Variants in FBF1 observed in about 807,000 individuals in gnomAD.
The protein encoded by FBF1 is Fas binding factor 1.
Under a neutral mutation model 147.2 loss-of-function variants are expected in FBF1, and 119 were observed. The ratio of observed to expected loss-of-function variants is 0.81; its 90% CI spans 0.70 to 0.94. The LOEUF (loss-of-function observed/expected upper bound fraction) is 0.94. FBF1 is among the 40% of genes least tolerant of loss of function. The probability of loss-of-function intolerance (pLI) is 0.00; values close to 1 mark genes in which losing one functional copy is unlikely to be tolerated. For missense variants in FBF1, 1,449 were observed against 1,500.8 expected (o/e 0.97, Z 0.57); for synonymous variants, 601 against 609.0 (o/e 0.99, Z 0.19).
intron 23 of FBF1, among the ~76,000 whole-genome samples, 173 bp downstream of exon 23, chr17:75,917,559 T>G (rs2065495802): frequency 6.6e-6 from 1 of 152,008 alleles, no homozygotes; most frequent in Admixed American, 6.5e-5. Context: ...CATGCTCAGG[T>G]GGGCAGTGCT....
At chr17:75,913,850 A>G in intron 27 of FBF1, 31 bp from the exon 28 acceptor site, 1 of 1,579,180 alleles carries the variant, frequency 6.3e-7, no homozygotes, top group Non-Finnish European at 8.6e-7. Context: ...AGAAGGACTC[A>G]GCTGTGAGGT....
At chr17:75,916,315 C>A (rs2065488857) in intron 23 of FBF1, among the ~76,000 whole-genome samples, 1 of 139,666 alleles carries the variant, frequency 7.2e-6, no homozygotes. Flanking sequence ...GAGACCCCAT[C>A]TCTAAAAAAA....
chr17:75,925,504 G>A lies in FBF1; in HGVS notation c.869-58C>T, dbSNP rs919320333. On this transcript the variant is annotated intron_variant, in intron 12 of 29. Transcript: ENST00000636174. This position sits in a 1 kb window ranked among gnomAD's most constrained non-coding sequence, Gnocchi z 5.0. ...GAGTAGGGGAACCAAGCTCATTTGC[G>A]GCTGCAAAATTCTAACAAAAGCTGA... The A allele has an allele frequency of 3.9e-5, 57 of 1,472,850 alleles. No individual in the cohort carries two copies. The Middle Eastern group carries it at 1.2e-3, about 31-fold the overall frequency. 91.2% of individuals were successfully genotyped at this position (1,472,850 alleles called of 1,614,324 possible). A position where few individuals can be genotyped will look rare whatever the true frequency, so the allele number is the denominator to read the frequency against.
chr17:75,929,342 C>G (rs1455991088), intron 7 of FBF1, among the ~76,000 whole-genome samples: 1 of 151,834 alleles, frequency 6.6e-6, no homozygotes, highest in African/African-American at 2.4e-5. Flanking sequence ...AAAAAAAAAC[C>G]CAAAAAACAA....
intron 1 of FBF1, 65 bp from the exon 2 acceptor site, chr17:75,938,297 C>G (rs982528700): frequency 8.3e-7 from 1 of 1,210,738 alleles, no homozygotes; most frequent in Non-Finnish European, 1.2e-6. Flanking sequence ...CCATGGCTCA[C>G]GCCTGTTAAT....
chr17:75,918,152 G>A lies in FBF1; in HGVS notation c.2246+10C>T. The A allele has an allele frequency of 6.2e-7, 1 of 1,613,096 alleles. No individual in the cohort carries two copies. The highest frequency in any genetic ancestry group is 8.5e-7 in the Non-Finnish European group (1 of 1,179,644). Reference sequence around the variant, plus strand: ...ACGTCAGGCGGGCATGGTTGGGGCAGCGCACATACCGCGTGTGGGAGGTGG... The same window carrying A: ...ACGTCAGGCGGGCATGGTTGGGGCAACGCACATACCGCGTGTGGGAGGTGG... On this transcript the variant is annotated intron_variant, in intron 21 of 29. Coordinates refer to ENST00000636174, the MANE Select transcript of FBF1 (RefSeq NM_001319193.2). The surrounding 1 kb of genome is among the most constrained non-coding windows in gnomAD (Gnocchi z 5.8).
chr17:75,922,687 A>G lies in FBF1; in HGVS notation c.1424+499T>C, dbSNP rs567130754. Among the ~76,000 whole-genome samples, 1 of 152,186 alleles carries G rather than the reference A, an allele frequency of 6.6e-6. No homozygotes were observed. Among genetic ancestry groups the G allele is most frequent in the African/African-American group, 2.4e-5 (1 of 41,528 alleles). On this transcript the variant is annotated intron_variant, in intron 14 of 29. Coordinates refer to ENST00000636174, the MANE Select transcript of FBF1 (RefSeq NM_001319193.2). This position sits in a 1 kb window ranked among gnomAD's most constrained non-coding sequence, Gnocchi z 5.0. ...TTCCTGCCTTCAGAGGTCACTCGCTATCCTGCCCCACGGATAAGGGCTTCT... is the reference window on the plus strand; with the variant it reads ...TTCCTGCCTTCAGAGGTCACTCGCTGTCCTGCCCCACGGATAAGGGCTTCT...
chr17:75,913,381 C>T (rs928100529), intron 28 of FBF1: 6 of 224,540 alleles, frequency 2.7e-5, no homozygotes, highest in Non-Finnish European at 5.2e-5. Context: ...CTCCTGACCT[C>T]AGATGATCCG....
rs1210285081 is a variant in FBF1 at position 75,925,380 on chromosome 17, G to C, written c.935C>G (p.Ser312Cys). 1.9e-6 allele frequency: 3 copies of C among 1,613,388 alleles called. No homozygotes were observed. Among genetic ancestry groups the C allele is most frequent in the South Asian group, 1.1e-5 (1 of 91,070 alleles). Residue 312 changes from serine (S) to cysteine (C), a missense_variant, in exon 13 of 30, where the codon TCT (serine) becomes TGT (cysteine). Ser to Cys is a moderately radical substitution (Grantham distance 112). Coordinates refer to ENST00000636174, the MANE Select transcript of FBF1 (RefSeq NM_001319193.2). The surrounding 1 kb of genome is among the most constrained non-coding windows in gnomAD (Gnocchi z 5.0). ...CTGCCGGCGGGACTGCCGGCCCTCA[G>C]AGGAGACCACAGTGGGCTGATAGGC... Reference protein sequence around the residue: ...FGAYQPTVVSSEGRQSRRQSV... With the variant: ...FGAYQPTVVSCEGRQSRRQSV...
Position 75,938,160 on chromosome 17 carries a change from T to G in FBF1, c.-11A>C, listed in dbSNP as rs765557802. ...AACTCTGCCTACCATCTCACGGCTC[T>G]CGGGGGTGCTCTCAGCTCCTTCACA... On this transcript the variant is annotated 5_prime_UTR_variant, in exon 2 of 30. Transcript: ENST00000636174. 3.1e-6 allele frequency: 5 copies of G among 1,613,674 alleles called. No homozygotes were observed. The South Asian group carries it at 5.5e-5, about 18-fold the overall frequency.
At chr17:75,930,772 A>T (rs1461702770) in intron 6 of FBF1, among the ~76,000 whole-genome samples, 1 of 152,184 alleles carries the variant, frequency 6.6e-6, no homozygotes, top group Non-Finnish European at 1.5e-5. Context: ...AAATACAAAA[A>T]TCAGCCAGGC....
intron 25 of FBF1, 94 bp downstream of exon 25, chr17:75,914,653 C>T (rs764126504): frequency 9.2e-5 from 120 of 1,306,206 alleles, no homozygotes; most frequent in Middle Eastern, 2.7e-4. Flanking sequence ...ATTAGTGCTA[C>T]ACTCTCCTTT....
In FBF1 at chr17:75,919,523, T is replaced by C; in HGVS notation, c.2138+145A>G. The C allele has an allele frequency of 1.1e-6, 1 of 903,928 alleles. No individual in the cohort carries two copies. The highest frequency in any genetic ancestry group is 1.7e-6 in the Non-Finnish European group (1 of 600,310). The allele number at this position is 903,928 out of a possible 1,614,324, so 56.0% of individuals were successfully genotyped here. A position where few individuals can be genotyped will look rare whatever the true frequency, so the allele number is the denominator to read the frequency against. On this transcript the variant is annotated intron_variant, in intron 20 of 29. Coordinates refer to ENST00000636174, the MANE Select transcript of FBF1 (RefSeq NM_001319193.2). The surrounding 1 kb of genome is among the most constrained non-coding windows in gnomAD (Gnocchi z 5.0). ...TGTGATGGGTCAGTGTGCTCAGCCC[T>C]CAGTCCTCACTCACTGGACTGGGAG...
In FBF1 at chr17:75,926,365, A is replaced by G. The variant is rs764747806; in HGVS notation, c.657T>C (p.Phe219=). 16 of 1,610,778 alleles carry G rather than the reference A, an allele frequency of 9.9e-6. No individual in the cohort carries two copies. Among genetic ancestry groups the G allele is most frequent in the Middle Eastern group, 1.7e-4 (1 of 6,048 alleles). ...TGGCCATGATGTCATCCCCATCATC[A>G]AACAACAATTCTTCTTTTTTTCGGA... The part of the protein sequence containing the change: ...TPIRKKEELL[F]DDGDDIMATL... Residue 219 remains phenylalanine, a synonymous_variant, in exon 11 of 30, where the codon TTT becomes TTC. Coordinates refer to ENST00000636174, the MANE Select transcript of FBF1 (RefSeq NM_001319193.2).
At position 75,925,319 on chromosome 17, in the gene FBF1, G is replaced by A. The variant is rs1401100197; in HGVS notation, c.968+28C>T. On this transcript the variant is annotated intron_variant, in intron 13 of 29. Transcript: ENST00000636174. This position sits in a 1 kb window ranked among gnomAD's most constrained non-coding sequence, Gnocchi z 5.0. Reference sequence around the variant, plus strand: ...TCCCAGTGGCCGACCTGTCTCAAGAGGCCAAGCCTCCTGCAGGCCCCACTT... The same window carrying A: ...TCCCAGTGGCCGACCTGTCTCAAGAAGCCAAGCCTCCTGCAGGCCCCACTT... 1 of 1,592,896 alleles carries A rather than the reference G, an allele frequency of 6.3e-7. No individual in the cohort carries two copies. The highest frequency in any genetic ancestry group is 2.2e-5 in the East Asian group (1 of 44,720).
chr17:75,923,583 G>A lies in FBF1; in HGVS notation c.1027C>T (p.Pro343Ser). 4 of 1,610,704 alleles carry A rather than the reference G, an allele frequency of 2.5e-6. No individual in the cohort carries two copies. Among genetic ancestry groups the A allele is most frequent in the Non-Finnish European group, 3.4e-6 (4 of 1,178,844 alleles). ...PKGEPGSKQS[P>S]PMASSPIQPR... The stretch of plus-strand genomic sequence containing the variant: ...TGGATGGGGCTGGAAGCCATTGGAG[G>A]GCTCTGTTTGGAGCCTGGTTCTCCC... Residue 343 changes from proline (P) to serine (S), a missense_variant, in exon 14 of 30, where the codon CCT (proline) becomes TCT (serine). Physicochemically the swap from Pro to Ser is moderately conservative, Grantham distance 74. Coordinates refer to ENST00000636174, the MANE Select transcript of FBF1 (RefSeq NM_001319193.2). This position sits in a 1 kb window ranked among gnomAD's most constrained non-coding sequence, Gnocchi z 4.1.
chr17:75,926,403 C>T lies in FBF1; in HGVS notation c.619G>A (p.Gly207Arg). 6.3e-7 allele frequency: 1 copy of T among 1,591,590 alleles called. No individual in the cohort carries two copies. The highest frequency in any genetic ancestry group is 8.6e-7 in the Non-Finnish European group (1 of 1,169,242). ...TCTTTTTTTCGGATGGGGGTGTCCC[C>T]AGGAGTTAGAGGAATAGAGGGACCT... ...DQGPSIPLTP[G>R]DTPIRKKEEL... The change falls in exon 11 of 30, where the codon GGG becomes AGG. Residue 207 changes from glycine (G) to arginine (R), a missense_variant. Coordinates refer to ENST00000636174, the MANE Select transcript of FBF1 (RefSeq NM_001319193.2).
intron 23 of FBF1, among the ~76,000 whole-genome samples, chr17:75,916,007 C>CAAAA (rs35055735): frequency 4.6e-5 from 3 of 65,460 alleles, no homozygotes; most frequent in Admixed American, 1.8e-4. Flanking sequence ...GACTCTGACT[C>CAAAA]AAAAAAAAAA....
intron 15 of FBF1, 125 bp downstream of exon 15, chr17:75,921,820 C>T: frequency 1.1e-6 from 1 of 888,166 alleles, no homozygotes; most frequent in South Asian, 1.6e-5. Flanking sequence ...GGGTGGGCAG[C>T]CTCTGTGTGG....
Sources: gnomAD v4.1 joint callset for allele counts (sites outside exome capture counted in the v4.1 genomes callset) on GRCh38, gnomAD v4.1.1 for gene constraint, Gnocchi (gnomAD v3.1) non-coding constraint, MANE v1.5 for transcripts, NCBI Gene and HGNC (gene_info 2026-07-23, HGNC 2026-07-21) for gene names.